Variants in SEMA6D observed in about 807,000 individuals in gnomAD.
SEMA6D encodes semaphorin-6D.
SEMA6D carries 35 observed loss-of-function variants against 106.6 expected under a neutral mutation model. The observed-to-expected ratio is 0.33, with a 90% CI of 0.25 to 0.44. The LOEUF (loss-of-function observed/expected upper bound fraction) is 0.44. Ranked by LOEUF, SEMA6D falls within the 20% of genes least tolerant of loss-of-function variation. SEMA6D has a pLI of 1.00. For synonymous variants in SEMA6D, 499 were observed against 487.7 expected, an observed-to-expected ratio of 1.02 and a Z score of -0.31; for missense variants, 1,185 against 1,345.9, an observed-to-expected ratio of 0.88 and a Z score of 1.87.
chr15:47,399,095 A>G (rs1567052490), intron 1 of SEMA6D, among the ~76,000 whole-genome samples: 1 of 152,242 alleles, frequency 6.6e-6, no homozygotes, highest in Admixed American at 6.5e-5. Flanking sequence ...AGGCAGTCTA[A>G]AAATATAAAC....
chr15:47,632,463 C>G (rs1326307326), intron 4 of SEMA6D, among the ~76,000 whole-genome samples: 1 of 148,760 alleles, frequency 6.7e-6, no homozygotes, highest in Non-Finnish European at 1.5e-5. Flanking sequence ...CAGTGGTTGG[C>G]TCATGTGGTG....
intron 3 of SEMA6D, among the ~76,000 whole-genome samples, chr15:47,502,642 T>C (rs1332845594): frequency 6.6e-6 from 1 of 152,240 alleles, no homozygotes; most frequent in Non-Finnish European, 1.5e-5. Context: ...CTTTGAAAGA[T>C]GGCTCCCTTC....
At position 47,485,559 on chromosome 15, in the gene SEMA6D, A is replaced by G. The variant is rs572612353; in HGVS notation, c.-87+15014A>G. Among the ~76,000 whole-genome samples the G allele has an allele frequency of 1.1e-4, 17 of 152,324 alleles. No individual in the cohort carries two copies. The South Asian group carries it at 2.9e-3, about 26-fold the overall frequency. ...GTCATACAATACTTAAGCCAAAGAC[A>G]GTTATGGCAGGCTCCATTATATTAT... On this transcript the variant is annotated intron_variant, in intron 3 of 19. Coordinates refer to the SEMA6D transcript ENST00000558014.
intron 1 of SEMA6D, among the ~76,000 whole-genome samples, chr15:47,327,592 G>A (rs778529806): frequency 3.3e-5 from 5 of 152,042 alleles, no homozygotes; most frequent in African/African-American, 4.8e-5. Flanking sequence ...TTTTGACTTG[G>A]GACTTATAAG....
intron 4 of SEMA6D, among the ~76,000 whole-genome samples, chr15:47,669,897 T>C (rs1196414673): frequency 6.6e-6 from 1 of 152,200 alleles, no homozygotes; most frequent in African/African-American, 2.4e-5. Context: ...CAAAGGGAAT[T>C]GTATTGTTCT....
intron 3 of SEMA6D, among the ~76,000 whole-genome samples, chr15:47,583,991 C>G (rs1471235300): frequency 2.0e-5 from 3 of 152,200 alleles, no homozygotes; most frequent in Non-Finnish European, 2.9e-5. Flanking sequence ...CAGCACGGAT[C>G]CCATCTATGG....
At chr15:47,667,059 C>T (rs143295381) in intron 4 of SEMA6D, among the ~76,000 whole-genome samples, 96 of 152,284 alleles carry the variant, frequency 6.3e-4, no homozygotes, top group Middle Eastern at 3.4e-3. Context: ...ATTCCAGCAG[C>T]GAGCCAACCC....
At chr15:47,755,362 T>A (rs1304113160) in intron 1 of SEMA6D, among the ~76,000 whole-genome samples, 2 of 152,230 alleles carry the variant, frequency 1.3e-5, no homozygotes, top group Non-Finnish European at 2.9e-5. Flanking sequence ...AAACATATGT[T>A]TGGTAACTCT....
intron 1 of SEMA6D, among the ~76,000 whole-genome samples, chr15:47,199,698 C>T (rs1894593750): frequency 1.3e-5 from 2 of 152,108 alleles, no homozygotes; most frequent in South Asian, 4.1e-4. Flanking sequence ...TCAAACCTTC[C>T]TTTGCAAGAA....
intron 1 of SEMA6D, among the ~76,000 whole-genome samples, chr15:47,339,616 C>A (rs1207603146): frequency 6.6e-6 from 1 of 151,978 alleles, no homozygotes; most frequent in Non-Finnish European, 1.5e-5. Context: ...AGCCTGTAAT[C>A]CCAGCACTTT....
intron 3 of SEMA6D, among the ~76,000 whole-genome samples, chr15:47,471,877 G>T (rs1274714268): frequency 1.3e-5 from 2 of 150,894 alleles, no homozygotes; most frequent in African/African-American, 4.9e-5. Flanking sequence ...AACCTCCGGT[G>T]ATCAGAGTTC....
At chr15:47,740,600 T>G (rs1375060269) in intron 1 of SEMA6D, among the ~76,000 whole-genome samples, 1 of 152,174 alleles carries the variant, frequency 6.6e-6, no homozygotes, top group Non-Finnish European at 1.5e-5. Context: ...TTTTCTCTCA[T>G]ATCCACTCTG....
intron 1 of SEMA6D, among the ~76,000 whole-genome samples, chr15:47,350,321 G>A (rs1475219410): frequency 2.0e-5 from 3 of 152,142 alleles, no homozygotes; most frequent in South Asian, 2.1e-4. Flanking sequence ...CCTGCATACA[G>A]CATATAAAAA....
intron 1 of SEMA6D, among the ~76,000 whole-genome samples, chr15:47,255,560 A>G (rs895820076): frequency 6.6e-6 from 1 of 151,840 alleles, no homozygotes; most frequent in African/African-American, 2.4e-5. Flanking sequence ...TTGATATAGG[A>G]GATTTCTTTA....
chr15:47,297,098 C>A (rs1025064969), intron 1 of SEMA6D, among the ~76,000 whole-genome samples: 1 of 152,150 alleles, frequency 6.6e-6, no homozygotes, highest in African/African-American at 2.4e-5. Context: ...AGCCAGAATT[C>A]CCCATTGCAA....
chr15:47,521,750 C>G (rs1472666671), intron 3 of SEMA6D, among the ~76,000 whole-genome samples: 6 of 152,148 alleles, frequency 3.9e-5, no homozygotes, highest in Non-Finnish European at 8.8e-5. Flanking sequence ...CTTTGGGAGG[C>G]CAAGGCGGGT....
chr15:47,732,212 C>T (rs976037543), intron 1 of SEMA6D, among the ~76,000 whole-genome samples: 2 of 152,110 alleles, frequency 1.3e-5, no homozygotes, highest in Admixed American at 6.5e-5. Flanking sequence ...CAATTAGGAT[C>T]GTATTAAGTC....
chr15:47,260,468 C>A (rs2034017927), intron 1 of SEMA6D, among the ~76,000 whole-genome samples: 1 of 152,062 alleles, frequency 6.6e-6, no homozygotes, highest in African/African-American at 2.4e-5. Context: ...ACTGTGGACC[C>A]CACTGATCCA....
rs1893867062 is a variant in SEMA6D, at chr15:47,190,197, G to T, written c.-239+5779G>T. ...ATTTGTCTTCAAATGACCCCTAAGA[G>T]ATTTGGAGACCAGTTAATATCCCTC... On this transcript the variant is annotated intron_variant, in intron 1 of 19. Transcript: ENST00000558014. Among the ~76,000 whole-genome samples the T allele has an allele frequency of 3.3e-5, 5 of 152,168 alleles. No individual in the cohort carries two copies. The South Asian group carries it at 1.0e-3, about 32-fold the overall frequency.
Sources: gnomAD v4.1 joint callset for allele counts (sites outside exome capture counted in the v4.1 genomes callset) on GRCh38, gnomAD v4.1.1 for gene constraint, MANE v1.5 for transcripts, NCBI Gene and HGNC (gene_info 2026-07-23, HGNC 2026-07-21) for gene names.